Variants in VEZT observed in about 807,000 individuals in gnomAD.
The protein encoded by VEZT is vezatin.
A neutral mutation model predicts 79.9 loss-of-function variants in VEZT; 39 were observed. The observed-to-expected ratio is 0.49, with a 90% confidence interval of 0.38 to 0.64. VEZT has a LOEUF of 0.64. Ranked by LOEUF, VEZT falls within the 30% of genes least tolerant of loss-of-function variation. The pLI, the probability that VEZT is intolerant of heterozygous loss-of-function variation, is 0.00. For missense variants in VEZT, 837 were observed against 893.1 expected (o/e 0.94, Z 0.80); for synonymous variants, 325 against 327.6 (o/e 0.99, Z 0.09).
chr12:95,229,884 G>C (rs886950837), intron 1 of VEZT, among the ~76,000 whole-genome samples: 2 of 152,114 alleles, frequency 1.3e-5, no homozygotes, highest in Non-Finnish European at 2.9e-5. Context: ...GGGGTCAGGA[G>C]TTCGAGATCA....
intron 1 of VEZT, among the ~76,000 whole-genome samples, chr12:95,246,362 A>G (rs550466542): frequency 6.6e-6 from 1 of 152,120 alleles, no homozygotes; most frequent in African/African-American, 2.4e-5. Context: ...ACCTCAAGTG[A>G]TCCACCCGCC....
At chr12:95,292,548 A>AT (rs11428521) in intron 9 of VEZT, among the ~76,000 whole-genome samples, 40,305 of 135,440 alleles carry the variant, frequency 0.3, 7,219 homozygotes, top group African/African-American at 0.5. Context: ...GATAACTGTA[A>AT]TTTTTTTTTT....
chr12:95,278,964 G>A (rs1361581337), intron 7 of VEZT, among the ~76,000 whole-genome samples: 1 of 152,188 alleles, frequency 6.6e-6, no homozygotes, highest in Non-Finnish European at 1.5e-5. Flanking sequence ...CAGCTACTCG[G>A]GAGGCTGAGG....
chr12:95,286,574 CT>C (rs967689050), intron 8 of VEZT: 70 of 476,988 alleles, frequency 1.5e-4, no homozygotes, highest in African/African-American at 1.4e-3. Context: ...TAAAGGTTTT[CT>C]TTTTGTACCA....
At chr12:95,278,049 A>G (rs2068152257) in intron 7 of VEZT, among the ~76,000 whole-genome samples, 1 of 152,230 alleles carries the variant, frequency 6.6e-6, no homozygotes, top group South Asian at 2.1e-4. Context: ...TCCAGGTTTC[A>G]CTCTAGCTCC....
At chr12:95,237,189 ACTACTAT>A (rs1401667127) in intron 1 of VEZT, among the ~76,000 whole-genome samples, 1 of 152,116 alleles carries the variant, frequency 6.6e-6, no homozygotes, top group Non-Finnish European at 1.5e-5. Flanking sequence ...TCTGTTGTTT[ACTACTAT>A]CTGTCCTTGT....
intron 1 of VEZT, among the ~76,000 whole-genome samples, chr12:95,225,776 AAAAAAAAAAAAAAAAAAG>A (rs1471629445): frequency 3.0e-5 from 4 of 132,988 alleles, no homozygotes; most frequent in Admixed American, 7.7e-5. Context: ...AAAAAAAAAA[AAAAAAAAAAAAAAAAAAG>A]AGAGAGAAGG....
At position 95,263,179 on chromosome 12, in the gene VEZT, TC is replaced by T. The variant is rs565465379; in HGVS notation, c.434+100del. ...CTCTCCATTGTAAAGGCATAAACATTCCATACATTTAGCAGTACAATTAAAG... is the reference window on the plus strand; with the variant it reads ...CTCTCCATTGTAAAGGCATAAACATTCATACATTTAGCAGTACAATTAAAG... On this transcript the variant is annotated intron_variant, in intron 4 of 11. Transcript: ENST00000436874. 54 of 1,097,886 alleles carry T rather than the reference TC, an allele frequency of 4.9e-5. No homozygotes were observed. In the African/African-American group the frequency reaches 7.8e-4, roughly 16 times the overall value. The allele number at this position is 1,097,886 out of a possible 1,614,324, so 68.0% of individuals were successfully genotyped here.
chr12:95,247,553 A>G (rs1021534227), intron 1 of VEZT, among the ~76,000 whole-genome samples: 1 of 152,174 alleles, frequency 6.6e-6, no homozygotes, highest in African/African-American at 2.4e-5. Flanking sequence ...AAGTAAAATA[A>G]TAAGTTTTTT....
intron 9 of VEZT, among the ~76,000 whole-genome samples, chr12:95,291,196 A>C (rs374011203): frequency 6.6e-6 from 1 of 152,150 alleles, no homozygotes; most frequent in East Asian, 1.9e-4. Flanking sequence ...GCACAACTGC[A>C]CTCCATCCTT....
intron 4 of VEZT, among the ~76,000 whole-genome samples, chr12:95,264,284 C>T (rs935734935): frequency 3.9e-5 from 6 of 152,146 alleles, no homozygotes; most frequent in African/African-American, 1.4e-4. Flanking sequence ...ACTAACTTTC[C>T]TTTACCCACA....
intron 5 of VEZT, among the ~76,000 whole-genome samples, chr12:95,268,098 G>A (rs139361500): frequency 2.3e-4 from 35 of 152,026 alleles, no homozygotes; most frequent in African/African-American, 8.2e-4. Context: ...GATTTTTGTC[G>A]TTGCATTAGT....
chr12:95,223,576 G>C (rs937239865), intron 1 of VEZT, among the ~76,000 whole-genome samples: 1 of 152,006 alleles, frequency 6.6e-6, no homozygotes, highest in African/African-American at 2.4e-5. Context: ...TCAGCCTCCC[G>C]AGTAGCTGGG....
intron 1 of VEZT, among the ~76,000 whole-genome samples, chr12:95,241,432 G>C (rs2061002440): frequency 6.6e-6 from 1 of 152,090 alleles, no homozygotes. Flanking sequence ...AGCCTCCCAA[G>C]TAGCTGGGAC....
chr12:95,219,007 G>T (rs141349207), intron 1 of VEZT, among the ~76,000 whole-genome samples: 139 of 152,284 alleles, frequency 9.1e-4, no homozygotes, highest in African/African-American at 3.2e-3. Flanking sequence ...TGAAGAAGCA[G>T]TGGAAAATGT....
intron 6 of VEZT, among the ~76,000 whole-genome samples, chr12:95,272,696 A>T (rs937168812): frequency 2.6e-5 from 4 of 152,228 alleles, no homozygotes; most frequent in African/African-American, 9.6e-5. Flanking sequence ...ACATTAAAAT[A>T]ACTGTAAGGG....
At chr12:95,248,943 G>A (rs2062102479) in intron 1 of VEZT, among the ~76,000 whole-genome samples, 1 of 152,044 alleles carries the variant, frequency 6.6e-6, no homozygotes, top group Non-Finnish European at 1.5e-5. Flanking sequence ...CCCATTTTTG[G>A]ATGGCAGGTT....
intron 4 of VEZT, chr12:95,263,770 G>A (rs1191399574): frequency 6.6e-6 from 1 of 152,122 alleles, no homozygotes; most frequent in African/African-American, 2.4e-5. Context: ...ATATTGTAGA[G>A]ACACCAAGAA....
chr12:95,300,577 A>C lies in VEZT; in HGVS notation c.2244A>C (p.Arg748Ser), dbSNP rs768200351. ...GCCTTGCTGCAGAAGTGGCTGCTAG[A>C]TCTCTCTCCTTTACCACCATGCAGG... Reference protein sequence around the residue: ...TAGLAAEVAARSLSFTTMQEQ... With the variant: ...TAGLAAEVAASSLSFTTMQEQ... The change falls in exon 12 of 12, where the codon AGA (arginine) becomes AGC (serine). Residue 748 changes from arginine to serine, a missense_variant. Physicochemically the swap from Arg to Ser is moderately radical, Grantham distance 110. Transcript: ENST00000436874. The C allele has an allele frequency of 6.2e-7, 1 of 1,613,830 alleles. No individual in the cohort carries two copies. Among genetic ancestry groups the C allele is most frequent in the Admixed American group, 1.7e-5 (1 of 59,994 alleles).
Sources: gnomAD v4.1 joint callset for allele counts (sites outside exome capture counted in the v4.1 genomes callset) on GRCh38, gnomAD v4.1.1 for gene constraint, MANE v1.5 for transcripts, NCBI Gene and HGNC (gene_info 2026-07-23, HGNC 2026-07-21) for gene names.